ADAM32: variants seen among roughly 807,000 people sequenced by gnomAD.
The protein encoded by ADAM32 is disintegrin and metalloproteinase domain-containing protein 32.
Under a neutral mutation model 114.9 loss-of-function variants are expected in ADAM32, and 89 were observed. That is an observed-to-expected ratio of 0.77 (90% CI 0.65 to 0.92). ADAM32 has a LOEUF of 0.92. ADAM32 is among the 40% of genes least tolerant of loss of function. The pLI, the probability that ADAM32 is intolerant of heterozygous loss-of-function variation, is 0.00. For synonymous variants in ADAM32, 285 were observed against 307.5 expected (o/e 0.93, Z 0.77); for missense variants, 870 against 932.8 (o/e 0.93, Z 0.88).
chr8:39,257,721 T>C (rs1327000304), intron 19 of ADAM32, among the ~76,000 whole-genome samples: 1 of 152,162 alleles, frequency 6.6e-6, no homozygotes, highest in Admixed American at 6.5e-5. Context: ...TGCTGGCTCA[T>C]ATAAGAAGTA....
At position 39,236,434 on chromosome 8, in the gene ADAM32, A is replaced by T. The variant is rs1195054644; in HGVS notation, c.1818+2352A>T. ...AATTATTTATTTAATAGCCAATCTT[A>T]TTTTATTGATATCCTCCACTTTTCT... On this transcript the variant is annotated intron_variant, in intron 16 of 24. Coordinates refer to ENST00000379907, the MANE Select transcript of ADAM32 (RefSeq NM_145004.7). Among the ~76,000 whole-genome samples the T allele has an allele frequency of 2.6e-5, 4 of 152,252 alleles. No homozygotes were observed. In the East Asian group the frequency reaches 5.8e-4, roughly 22 times the overall value.
intron 14 of ADAM32, among the ~76,000 whole-genome samples, chr8:39,229,380 G>C (rs1379703202): frequency 6.6e-6 from 1 of 152,102 alleles, no homozygotes; most frequent in Non-Finnish European, 1.5e-5. Flanking sequence ...TGGCCTAAAT[G>C]CTCCACTTAA....
intron 18 of ADAM32, among the ~76,000 whole-genome samples, chr8:39,255,893 G>T (rs1209921510): frequency 2.0e-5 from 3 of 151,900 alleles, no homozygotes; most frequent in Non-Finnish European, 2.9e-5. Flanking sequence ...CTCTTGAGTT[G>T]ATGTTTGTAT....
At chr8:39,168,810 TG>T (rs1805014374) in intron 9 of ADAM32, 1 of 151,966 alleles carries the variant, frequency 6.6e-6, no homozygotes, top group Non-Finnish European at 1.5e-5. Context: ...ACTGATTTGA[TG>T]TGGAGTGGGC....
chr8:39,129,355 C>G (rs1018237828), intron 2 of ADAM32, among the ~76,000 whole-genome samples: 12 of 151,962 alleles, frequency 7.9e-5, no homozygotes, highest in African/African-American at 2.9e-4. Context: ...TTTGTAAAGG[C>G]CTTTATCATG....
chr8:39,228,403 G>A (rs1229351276), intron 14 of ADAM32, among the ~76,000 whole-genome samples: 1 of 152,188 alleles, frequency 6.6e-6, no homozygotes, highest in Non-Finnish European at 1.5e-5. Context: ...GGAGAAAGGA[G>A]AAGCCGAATG....
chr8:39,185,647 AC>A (rs1806189069), intron 10 of ADAM32, among the ~76,000 whole-genome samples: 1 of 152,174 alleles, frequency 6.6e-6, no homozygotes, highest in South Asian at 2.1e-4. Context: ...TCCTGCTTTT[AC>A]TTGGCACATT....
intron 1 of ADAM32, among the ~76,000 whole-genome samples, chr8:39,112,038 T>G (rs1840182053): frequency 1.3e-5 from 2 of 152,118 alleles, no homozygotes; most frequent in Admixed American, 1.3e-4. Context: ...TGTTAATAAT[T>G]TTTATTTAGT....
At chr8:39,254,730 A>G (rs1013049276) in intron 18 of ADAM32, among the ~76,000 whole-genome samples, 2 of 151,646 alleles carry the variant, frequency 1.3e-5, no homozygotes, top group Non-Finnish European at 3.0e-5. Context: ...TTTTATTTCA[A>G]TAGGTTTTTG....
intron 11 of ADAM32, among the ~76,000 whole-genome samples, chr8:39,199,994 G>A (rs1229213533): frequency 2.6e-5 from 4 of 152,218 alleles, no homozygotes; most frequent in African/African-American, 9.6e-5. Context: ...GTGTATATGT[G>A]CCACATTTTC....
chr8:39,255,543 A>G (rs1811603226), intron 18 of ADAM32, among the ~76,000 whole-genome samples: 1 of 151,892 alleles, frequency 6.6e-6, no homozygotes, highest in Non-Finnish European at 1.5e-5. Flanking sequence ...AGAGTTACCT[A>G]TTCATGTCCT....
chr8:39,128,243 T>G (rs1005266967), intron 2 of ADAM32, among the ~76,000 whole-genome samples: 4 of 152,230 alleles, frequency 2.6e-5, no homozygotes, highest in Non-Finnish European at 4.4e-5. Flanking sequence ...TTAGCTCTTC[T>G]TGTTGAATTG....
intron 1 of ADAM32, among the ~76,000 whole-genome samples, chr8:39,116,306 A>G (rs900449014): frequency 1.3e-5 from 2 of 152,214 alleles, no homozygotes; most frequent in African/African-American, 4.8e-5. Context: ...AGTAGCACTG[A>G]ATCTGTAAAT....
chr8:39,179,895 C>T (rs1228599204), intron 10 of ADAM32, among the ~76,000 whole-genome samples: 1 of 152,314 alleles, frequency 6.6e-6, no homozygotes, highest in African/African-American at 2.4e-5. Flanking sequence ...CATCTTGGTC[C>T]TACCCGCTTC....
At chr8:39,226,724 T>C (rs1315482812) in intron 14 of ADAM32, among the ~76,000 whole-genome samples, 2 of 151,944 alleles carry the variant, frequency 1.3e-5, no homozygotes, top group Non-Finnish European at 2.9e-5. Context: ...AAACAAAAGC[T>C]CAAGGAGTTC....
At chr8:39,210,910 A>ACT (rs1451412128) in intron 11 of ADAM32, among the ~76,000 whole-genome samples, 1 of 152,064 alleles carries the variant, frequency 6.6e-6, no homozygotes, top group East Asian at 1.9e-4. Flanking sequence ...AAATTGGATT[A>ACT]CTGTGTGTGT....
chr8:39,226,564 A>G (rs1347738152), intron 14 of ADAM32, among the ~76,000 whole-genome samples: 1 of 152,142 alleles, frequency 6.6e-6, no homozygotes, highest in Non-Finnish European at 1.5e-5. Flanking sequence ...ACATAATCCA[A>G]CATGTAAGTT....
At chr8:39,170,061 A>C (rs762486705) in intron 10 of ADAM32, 64 bp downstream of exon 10, 1 of 1,266,234 alleles carries the variant, frequency 7.9e-7, no homozygotes, top group Non-Finnish European at 1.1e-6. Flanking sequence ...ACATGATAGT[A>C]TATATTTTGT....
chr8:39,136,146 T>C (rs1313389430), intron 2 of ADAM32, among the ~76,000 whole-genome samples: 1 of 152,218 alleles, frequency 6.6e-6, no homozygotes, highest in Non-Finnish European at 1.5e-5. Flanking sequence ...TTCCAACCTA[T>C]TGTCATCCAT....
Sources: allele counts gnomAD v4.1 joint callset (sites outside exome capture counted in the v4.1 genomes callset), GRCh38; gene constraint gnomAD v4.1.1; transcripts MANE v1.5; gene names NCBI Gene and HGNC (gene_info 2026-07-23, HGNC 2026-07-21).